SUSD2: variants seen among roughly 807,000 people sequenced by gnomAD.
The protein encoded by SUSD2 is sushi domain containing 2.
SUSD2 carries 86 observed loss-of-function variants against 93.8 expected under a neutral mutation model. The observed-to-expected ratio is 0.92, with a 90% CI of 0.77 to 1.10. The LOEUF (loss-of-function observed/expected upper bound fraction) is 1.10, where lower values mean the gene tolerates loss of function less well. Ranked by LOEUF, SUSD2 falls within the 50% of genes least tolerant of loss-of-function variation. SUSD2 has a pLI of 0.00. For synonymous variants in SUSD2, 483 were observed against 485.0 expected (o/e 1.00, Z 0.05); for missense variants, 1,060 against 1,137.0 (o/e 0.93, Z 0.97).
chr22:24,182,923 G>A, intron 1 of SUSD2, 134 bp from the exon 2 acceptor site: 2 of 687,938 alleles, frequency 2.9e-6, no homozygotes, highest in Non-Finnish European at 4.9e-6. Context: ...CTGGTGGCCT[G>A]TGCAGTTCCT....
chr22:24,183,313 C>G (rs1451544489), intron 2 of SUSD2, 46 bp downstream of exon 2: 1 of 1,568,572 alleles, frequency 6.4e-7, no homozygotes, highest in East Asian at 2.3e-5. Flanking sequence ...ACGCCCCCAT[C>G]CCTGTGCATG....
At position 24,183,186 on chromosome 22, in the gene SUSD2, C is replaced by T; in HGVS notation, c.206C>T (p.Ser69Leu). The change falls in exon 2 of 15, where the codon TCA becomes TTA. Residue 69 changes from serine (S) to leucine (L), a missense_variant. Ser to Leu is a moderately radical substitution (Grantham distance 145, BLOSUM62 -2). Transcript: ENST00000358321. ...RDFCLEILPY[S>L]GSMMGGKDFV... ...TTCTGCCTGGAGATATTGCCCTACT[C>T]AGGATCCATGATGGGCGGCAAGGAC... The T allele has an allele frequency of 6.2e-7, 1 of 1,613,990 alleles. No individual in the cohort carries two copies.
chr22:24,185,736 C>T lies in SUSD2; in HGVS notation c.1146C>T (p.Gly382=), dbSNP rs138794510. ...AGCTCCTGACAGCTGACTCCAGCGG[C>T]GGCAGCACTCCCGACCGCGGCCATG... is the stretch of plus-strand genomic sequence containing the variant. The part of the protein sequence containing the change: ...GTQLLTADSS[G]GSTPDRGHDW... The change falls in exon 8 of 15, where the codon GGC becomes GGT. Residue 382 remains glycine, a synonymous_variant. Transcript: ENST00000358321. 333 of 1,609,508 alleles carry T rather than the reference C, an allele frequency of 2.1e-4. No individual in the cohort carries two copies. The highest frequency in any genetic ancestry group is 2.5e-4 in the Non-Finnish European group (298 of 1,178,902).
intron 1 of SUSD2, chr22:24,182,683 A>G (rs2047332186): frequency 4.7e-6 from 1 of 213,118 alleles, no homozygotes; most frequent in Non-Finnish European, 9.5e-6. Context: ...AGAGAGGTCG[A>G]GGGCTCCAGC....
Position 24,188,751 on chromosome 22 carries a change from C to T in SUSD2, c.*315C>T. On this transcript the variant is annotated 3_prime_UTR_variant, in exon 15 of 15. Coordinates refer to ENST00000358321, the MANE Select transcript of SUSD2 (RefSeq NM_019601.4). This position sits in a 1 kb window ranked among gnomAD's most constrained non-coding sequence, Gnocchi z 4.7. Reference sequence around the variant, plus strand: ...ACTCCCACACCTGAGCCTCAGATTCCAATAGCTCACTCCCTAGAGCCTGAC... The same window carrying T: ...ACTCCCACACCTGAGCCTCAGATTCTAATAGCTCACTCCCTAGAGCCTGAC... 3.0e-6 allele frequency: 1 copy of T among 336,834 alleles called. No individual in the cohort carries two copies. The highest frequency in any genetic ancestry group is 5.5e-6 in the Non-Finnish European group (1 of 180,530). The allele number at this position is 336,834 out of a possible 1,614,324, so 20.9% of individuals were successfully genotyped here. A position where few individuals can be genotyped will look rare whatever the true frequency, so the allele number is the denominator to read the frequency against.
Position 24,188,136 on chromosome 22 carries a change from G to C in SUSD2, c.2341+1G>C, listed in dbSNP as rs368299113. On this transcript the variant is annotated splice_donor_variant, in intron 13 of 14. Coordinates refer to ENST00000358321, the MANE Select transcript of SUSD2 (RefSeq NM_019601.4). LOFTEE classifies it high-confidence loss of function. The surrounding 1 kb of genome is among the most constrained non-coding windows in gnomAD (Gnocchi z 4.7). ...TCACCCACCCCGAAGTGCCAGCCAG[G>C]TGAGGACACTCTGCTCATACACCTG... is the stretch of plus-strand genomic sequence containing the variant. The C allele has an allele frequency of 7.2e-5, 116 of 1,611,682 alleles. No homozygotes were observed. The highest frequency in any genetic ancestry group is 8.9e-5 in the Non-Finnish European group (105 of 1,179,002).
At chr22:24,183,942 TG>T in intron 3 of SUSD2, 193 bp from the exon 4 acceptor site, 1 of 668,174 alleles carries the variant, frequency 1.5e-6, no homozygotes, top group Non-Finnish European at 2.5e-6. Flanking sequence ...GCTAGAGGCG[TG>T]GGCAGTGGAG....
At position 24,183,493 on chromosome 22, in the gene SUSD2, A is replaced by C; in HGVS notation, c.288-2A>C. 6.2e-7 allele frequency: 1 copy of C among 1,608,756 alleles called. No individual in the cohort carries two copies. Among genetic ancestry groups the C allele is most frequent in the Non-Finnish European group, 8.5e-7 (1 of 1,177,738 alleles). On this transcript the variant is annotated splice_acceptor_variant, in intron 2 of 14. Transcript: ENST00000358321. LOFTEE classifies it high-confidence loss of function. ...CCCCTCCCACCACCACCACGCCCAC[A>C]GGTTTAAGGACAGCATCCAGACCCT...
In SUSD2 at chr22:24,187,595, T is replaced by G; in HGVS notation, c.1916T>G (p.Leu639Arg). Residue 639 changes from leucine (L) to arginine (R), a missense_variant, in exon 12 of 15, where the codon CTG (leucine) becomes CGG (arginine). Leu to Arg is a moderately radical substitution (Grantham distance 102). Around this residue, in one of 2 missense-constraint regions of SUSD2, gnomAD observed 973 missense variants for 1,005.3 expected, o/e 0.97. Transcript: ENST00000358321. ...ANWTVHNASS[L>R]LTYDSWFLVH... ...GGGACCGTGCACAATGCGTCCTCCCTGCTCACCTACGATTCCTGGTTCCTG... is the reference window on the plus strand; with the variant it reads ...GGGACCGTGCACAATGCGTCCTCCCGGCTCACCTACGATTCCTGGTTCCTG... 1 of 1,613,572 alleles carries G rather than the reference T, an allele frequency of 6.2e-7. No individual in the cohort carries two copies. The highest frequency in any genetic ancestry group is 1.1e-5 in the South Asian group (1 of 91,044).
chr22:24,187,963 G>A lies in SUSD2; in HGVS notation c.2169G>A (p.Val723=). 6.2e-7 allele frequency: 1 copy of A among 1,612,850 alleles called. No individual in the cohort carries two copies. Among genetic ancestry groups the A allele is most frequent in the Non-Finnish European group, 8.5e-7 (1 of 1,179,950 alleles). The change falls in exon 13 of 15, where the codon GTG becomes GTA. Residue 723 remains valine, a synonymous_variant. Transcript: ENST00000358321. ...QRRMQSLQPV[V]SCGWLAPPPN... ...TGCACTCTGTCCCCATCCCAGTGGTGTCCTGTGGCTGGCTGGCCCCACCTC... is the reference window on the plus strand; with the variant it reads ...TGCACTCTGTCCCCATCCCAGTGGTATCCTGTGGCTGGCTGGCCCCACCTC...
rs1328940772 is a variant in SUSD2 at position 24,186,255 on chromosome 22, A to T, written c.1484-2A>T. ...GCTCCCGTTCTGCTCCCACCACCGC[A>T]GGCACGGAGACCCGTGGCACTGGGC... On this transcript the variant is annotated splice_acceptor_variant, in intron 9 of 14. Transcript: ENST00000358321. LOFTEE classifies it high-confidence loss of function. 1 of 1,613,154 alleles carries T rather than the reference A, an allele frequency of 6.2e-7. No homozygotes were observed. Among genetic ancestry groups the T allele is most frequent in the Admixed American group, 1.7e-5 (1 of 59,980 alleles).
In SUSD2 at chr22:24,183,541, C is replaced by G. The variant is rs1311632836; in HGVS notation, c.334C>G (p.Gln112Glu). The change falls in exon 3 of 15, where the codon CAA becomes GAA. Residue 112 changes from glutamine (Q) to glutamate (E), a missense_variant. Around this residue, in one of 2 missense-constraint regions of SUSD2, gnomAD observed 973 missense variants for 1,005.3 expected, o/e 0.97. Transcript: ENST00000358321. Reference sequence around the variant, plus strand: ...CCTCGGCCATGTGGACTCCTCCGGGCAAGTGCACTGTGTGTCACCTCTGCT... The same window carrying G: ...CCTCGGCCATGTGGACTCCTCCGGGGAAGTGCACTGTGTGTCACCTCTGCT... ...QTLGHVDSSG[Q>E]VHCVSPLLYE... is the part of the protein sequence containing the mutation. The G allele has an allele frequency of 4.3e-6, 7 of 1,613,382 alleles. No individual in the cohort carries two copies. The South Asian group carries it at 5.5e-5, about 13-fold the overall frequency.
In SUSD2 at chr22:24,188,817, C is replaced by T. The variant is rs1028480249; in HGVS notation, c.*381C>T. 5 of 214,238 alleles carry T rather than the reference C, an allele frequency of 2.3e-5. No individual in the cohort carries two copies. Among genetic ancestry groups the T allele is most frequent in the South Asian group, 1.6e-4 (2 of 12,726 alleles). 13.3% of individuals were successfully genotyped at this position (214,238 alleles called of 1,614,324 possible). On this transcript the variant is annotated 3_prime_UTR_variant, in exon 15 of 15. Coordinates refer to ENST00000358321, the MANE Select transcript of SUSD2 (RefSeq NM_019601.4). This position sits in a 1 kb window ranked among gnomAD's most constrained non-coding sequence, Gnocchi z 4.7. ...CCCTGAGCCTCAGATTCCAATACCT[C>T]ACTCCCCAGAGCCTGATGCCGGGGC...
chr22:24,184,991 G>C lies in SUSD2; in HGVS notation c.782+51G>C, dbSNP rs570123186. 9 of 1,611,658 alleles carry C rather than the reference G, an allele frequency of 5.6e-6. No homozygotes were observed. In the South Asian group the frequency reaches 9.9e-5, roughly 18 times the overall value. On this transcript the variant is annotated intron_variant, in intron 5 of 14. Coordinates refer to ENST00000358321, the MANE Select transcript of SUSD2 (RefSeq NM_019601.4). ...ATGGCTGGAGGGCCTCGCCGCCCGA[G>C]GCCCATCATGCTTGCCTGGGCAGCC...
At chr22:24,182,843 C>T in intron 1 of SUSD2, 1 of 576,344 alleles carries the variant, frequency 1.7e-6, no homozygotes, top group Non-Finnish European at 3.1e-6. Flanking sequence ...TCAGTCAGGG[C>T]AACAGCCAGA....
At position 24,184,829 on chromosome 22, in the gene SUSD2, T is replaced by C; in HGVS notation, c.671T>C (p.Ile224Thr). Residue 224 changes from isoleucine (I) to threonine (T), a missense_variant, in exon 5 of 15, where the codon ATC (isoleucine) becomes ACC (threonine). This residue lies in a region of SUSD2 where 973 missense variants were observed against 1,005.3 expected (regional missense o/e 0.97). Coordinates refer to ENST00000358321, the MANE Select transcript of SUSD2 (RefSeq NM_019601.4). ...TACCTGTACCCCCTGGCCACACACA[T>C]CCCCAACTCCGGCTCTTTCACTTTC... ...WSYLYPLATH[I>T]PNSGSFTFTP... 1 of 1,613,828 alleles carries C rather than the reference T, an allele frequency of 6.2e-7. No individual in the cohort carries two copies. The highest frequency in any genetic ancestry group is 8.5e-7 in the Non-Finnish European group (1 of 1,179,922).
chr22:24,186,266 C>A lies in SUSD2; in HGVS notation c.1493C>A (p.Thr498Asn), dbSNP rs769095950. Residue 498 changes from threonine (T) to asparagine (N), a missense_variant, in exon 10 of 15, where the codon ACC (threonine) becomes AAC (asparagine). This residue lies in a region of SUSD2 where 973 missense variants were observed against 1,005.3 expected (regional missense o/e 0.97). Coordinates refer to ENST00000358321, the MANE Select transcript of SUSD2 (RefSeq NM_019601.4). ...GCTCCCACCACCGCAGGCACGGAGA[C>A]CCGTGGCACTGGGCTGACCGCAGTG... is the stretch of plus-strand genomic sequence containing the variant. Reference protein sequence around the residue: ...QPGTMSNGTETRGTGLTAVAV... With the variant: ...QPGTMSNGTENRGTGLTAVAV... The A allele has an allele frequency of 4.3e-6, 7 of 1,613,442 alleles. No homozygotes were observed. The highest frequency in any genetic ancestry group is 5.9e-6 in the Non-Finnish European group (7 of 1,179,970).
Position 24,186,318 on chromosome 22 carries a change from G to A in SUSD2, c.1545G>A (p.Val515=). 6.2e-7 allele frequency: 1 copy of A among 1,613,954 alleles called. No homozygotes were observed. The highest frequency in any genetic ancestry group is 1.3e-5 in the African/African-American group (1 of 75,080). ...CCGTCCAGGAGGGCAACTCAGATGTGGTGGAAGTCAGGCTGGCCAACAGGA... is the reference window on the plus strand; with the variant it reads ...CCGTCCAGGAGGGCAACTCAGATGTAGTGGAAGTCAGGCTGGCCAACAGGA... ...AVAVQEGNSD[V]VEVRLANRTG... The change falls in exon 10 of 15, where the codon GTG becomes GTA. Residue 515 remains valine, a synonymous_variant. Transcript: ENST00000358321.
rs1466414673 is a variant in SUSD2 at position 24,188,681 on chromosome 22, A to G, written c.*245A>G. On this transcript the variant is annotated 3_prime_UTR_variant, in exon 15 of 15. Transcript: ENST00000358321. The surrounding 1 kb of genome is among the most constrained non-coding windows in gnomAD (Gnocchi z 4.7). ...CACGGCTCTAATTCCCCAAACCTGA[A>G]ACTTCATACCCTGGGATTCTAATAC... 5.6e-6 allele frequency: 3 copies of G among 531,446 alleles called. No individual in the cohort carries two copies. In the East Asian group the frequency reaches 9.2e-5, roughly 16 times the overall value. 32.9% of individuals were successfully genotyped at this position (531,446 alleles called of 1,614,324 possible).
Sources: gnomAD v4.1 joint callset for allele counts on GRCh38, gnomAD v4.1.1 for gene constraint, gnomAD v4.1.1 regional missense constraint, Gnocchi (gnomAD v3.1) non-coding constraint, MANE v1.5 for transcripts, NCBI Gene and HGNC (gene_info 2026-07-23, HGNC 2026-07-21) for gene names.